Variants in SPAG16 observed in about 807,000 individuals in gnomAD.
SPAG16 encodes sperm-associated antigen 16 protein.
A neutral mutation model predicts 80.4 loss-of-function variants in SPAG16; 86 were observed. The ratio of observed to expected loss-of-function variants is 1.07; its 90% CI spans 0.90 to 1.28. The LOEUF (loss-of-function observed/expected upper bound fraction) is 1.28. Ranked by LOEUF, SPAG16 falls within the 50% of genes most tolerant of loss-of-function variation. SPAG16 has a pLI of 0.00. For synonymous variants in SPAG16, 294 were observed against 265.9 expected (o/e 1.11, Z -1.03); for missense variants, 870 against 765.3 (o/e 1.14, Z -1.61).
At chr2:213,925,940 A>G (rs972855983) in intron 11 of SPAG16, among the ~76,000 whole-genome samples, 1 of 151,942 alleles carries the variant, frequency 6.6e-6, no homozygotes, top group Non-Finnish European at 1.5e-5. Context: ...TCAGCAATTC[A>G]CTAAAATGCA....
intron 10 of SPAG16, among the ~76,000 whole-genome samples, chr2:213,771,282 T>C (rs1240677515): frequency 2.0e-5 from 3 of 152,190 alleles, no homozygotes; most frequent in Non-Finnish European, 4.4e-5. Flanking sequence ...TCTATTCATG[T>C]CCTTTGTCCA....
chr2:213,573,370 C>T (rs1218797326), intron 10 of SPAG16, among the ~76,000 whole-genome samples: 1 of 152,198 alleles, frequency 6.6e-6, no homozygotes, highest in African/African-American at 2.4e-5. Context: ...TAATTTTTGA[C>T]ATCTCTCTGT....
intron 15 of SPAG16, among the ~76,000 whole-genome samples, chr2:214,255,074 C>A (rs1690584220): frequency 6.6e-6 from 1 of 151,990 alleles, no homozygotes; most frequent in African/African-American, 2.4e-5. Context: ...CACAGTCTTC[C>A]ATTACCAATG....
intron 12 of SPAG16, among the ~76,000 whole-genome samples, chr2:213,949,911 T>C (rs1193861643): frequency 6.6e-6 from 1 of 152,242 alleles, no homozygotes; most frequent in Non-Finnish European, 1.5e-5. Context: ...TGAATAAGTA[T>C]ACTTCAGTGA....
chr2:214,357,416 C>T (rs1008199333), intron 15 of SPAG16, among the ~76,000 whole-genome samples: 1 of 151,758 alleles, frequency 6.6e-6, no homozygotes, highest in African/African-American at 2.4e-5. Context: ...GGGCTACATC[C>T]TGTTCAATTT....
At chr2:213,630,317 G>A (rs2062101377) in intron 10 of SPAG16, among the ~76,000 whole-genome samples, 3 of 151,916 alleles carry the variant, frequency 2.0e-5, no homozygotes, top group Admixed American at 2.0e-4. Context: ...CTGGGAGGCA[G>A]AGGTTGCAGT....
chr2:214,352,556 C>CTGTGTGTGTGTGTGTGTGTGTGTGTG (rs71409878), intron 15 of SPAG16, among the ~76,000 whole-genome samples: 5 of 96,080 alleles, frequency 5.2e-5, no homozygotes, highest in African/African-American at 3.2e-4. Context: ...GACTTTTTTT[C>CTGTGTGTGTGTGTGTGTGTGTGTGTG]TCTGTGTGTG....
intron 10 of SPAG16, among the ~76,000 whole-genome samples, chr2:213,629,201 T>A (rs765827631): frequency 1.1e-4 from 17 of 152,204 alleles, no homozygotes; most frequent in Non-Finnish European, 2.1e-4. Context: ...AGTATGTGAC[T>A]ATTTTTGACT....
At chr2:213,469,068 G>T (rs1487533966) in intron 9 of SPAG16, among the ~76,000 whole-genome samples, 1 of 151,800 alleles carries the variant, frequency 6.6e-6, no homozygotes, top group East Asian at 1.9e-4. Flanking sequence ...ATGTTCTTTG[G>T]CAACACCCTC....
rs1163205298 is a variant in SPAG16 at position 213,776,062 on chromosome 2, A to G, written c.1071-86423A>G. ...TTTTGTGTGTAGTTACATATAATTC[A>G]AGGTCTCAGTAGGCAAAGTAACCCC... On this transcript the variant is annotated intron_variant, in intron 10 of 15. Transcript: ENST00000331683. Among the ~76,000 whole-genome samples the G allele has an allele frequency of 3.3e-5, 5 of 152,248 alleles. No individual in the cohort carries two copies. The East Asian group carries it at 9.6e-4, about 29-fold the overall frequency.
At chr2:214,088,758 G>A (rs2051957706) in intron 13 of SPAG16, among the ~76,000 whole-genome samples, 1 of 151,996 alleles carries the variant, frequency 6.6e-6, no homozygotes, top group African/African-American at 2.4e-5. Flanking sequence ...GGGACCAGAT[G>A]GCTTTATGAA....
At chr2:214,282,984 G>A (rs1443827895) in intron 15 of SPAG16, among the ~76,000 whole-genome samples, 1 of 152,018 alleles carries the variant, frequency 6.6e-6, no homozygotes. Context: ...AAATTGACAG[G>A]AGCCTCCACC....
chr2:214,012,259 CATATATATAT>C (rs1163146309), intron 12 of SPAG16, among the ~76,000 whole-genome samples: 85 of 39,836 alleles, frequency 2.1e-3, no homozygotes, highest in South Asian at 6.1e-3. Flanking sequence ...TTTATACTTA[CATATATATAT>C]ATATATATAT....
At chr2:213,745,492 C>G (rs2067777100) in intron 10 of SPAG16, among the ~76,000 whole-genome samples, 1 of 152,208 alleles carries the variant, frequency 6.6e-6, no homozygotes, top group Non-Finnish European at 1.5e-5. Flanking sequence ...ATCCACTCAC[C>G]TCGACCTCCC....
At chr2:213,809,359 T>C (rs970867341) in intron 10 of SPAG16, among the ~76,000 whole-genome samples, 2 of 152,140 alleles carry the variant, frequency 1.3e-5, no homozygotes, top group African/African-American at 4.8e-5. Context: ...GGGTATGTAC[T>C]GTAAGTTGGA....
At chr2:213,963,562 C>T (rs1350861258) in intron 12 of SPAG16, among the ~76,000 whole-genome samples, 2 of 152,110 alleles carry the variant, frequency 1.3e-5, no homozygotes, top group African/African-American at 4.8e-5. Context: ...TATAATGTTG[C>T]TCAAGTCTTC....
At chr2:213,789,621 G>A (rs969121903) in intron 10 of SPAG16, among the ~76,000 whole-genome samples, 2 of 151,808 alleles carry the variant, frequency 1.3e-5, no homozygotes, top group Non-Finnish European at 2.9e-5. Context: ...TTGACAGTTC[G>A]GCTCAGTGAT....
intron 15 of SPAG16, among the ~76,000 whole-genome samples, chr2:214,211,862 C>T (rs1418002191): frequency 6.6e-6 from 1 of 152,056 alleles, no homozygotes; most frequent in African/African-American, 2.4e-5. Context: ...TCCTTATACC[C>T]TACATTCCAC....
intron 15 of SPAG16, among the ~76,000 whole-genome samples, chr2:214,291,475 T>G (rs555478423): frequency 6.6e-6 from 1 of 150,970 alleles, no homozygotes; most frequent in East Asian, 2.0e-4. Flanking sequence ...CCAGCTAATT[T>G]TTTGTATTTT....
Sources: allele counts gnomAD v4.1 joint callset (sites outside exome capture counted in the v4.1 genomes callset), GRCh38; gene constraint gnomAD v4.1.1; transcripts MANE v1.5; gene names NCBI Gene and HGNC (gene_info 2026-07-23, HGNC 2026-07-21).